The following PDE1A variants were observed in gnomAD, a reference collection of about 807,000 sequenced individuals.
PDE1A encodes the protein phosphodiesterase 1A.
In PDE1A, 35 loss-of-function variants were observed where a neutral mutation model predicts 61.7. That is an observed-to-expected ratio of 0.57 (90% CI 0.43 to 0.75). PDE1A has a LOEUF of 0.75. Ranked by LOEUF, PDE1A falls within the 30% of genes least tolerant of loss-of-function variation. PDE1A has a pLI of 0.00. For synonymous variants in PDE1A, 232 were observed against 213.2 expected, an observed-to-expected ratio of 1.09 and a Z score of -0.77; for missense variants, 597 against 630.6, an observed-to-expected ratio of 0.95 and a Z score of 0.57.
the PDE1A span, among the ~76,000 whole-genome samples, chr2:182,632,081 G>A: frequency 6.6e-6 from 1 of 152,134 alleles, no homozygotes. Context: ...TATATAAAGG[G>A]TGAGAGACAG....
At chr2:182,387,639 C>G (rs1029772779) in intron 1 of PDE1A, among the ~76,000 whole-genome samples, 3 of 151,916 alleles carry the variant, frequency 2.0e-5, no homozygotes, top group Non-Finnish European at 4.4e-5. Flanking sequence ...AGCCTGTAAT[C>G]CCAGATACTT....
chr2:182,242,918 C>CG (rs1203365894), intron 2 of PDE1A, among the ~76,000 whole-genome samples: 7 of 48,922 alleles, frequency 1.4e-4, no homozygotes, highest in African/African-American at 6.5e-4. Context: ...CTCTCTCTCT[C>CG]TCTCTCTCGT....
At chr2:182,647,344 T>C in the PDE1A span, among the ~76,000 whole-genome samples, 2 of 152,216 alleles carry the variant, frequency 1.3e-5, no homozygotes, top group African/African-American at 4.8e-5. Context: ...CAGAATTTAT[T>C]TCTGGTCTCT....
upstream of PDE1A, among the ~76,000 whole-genome samples, chr2:182,523,708 A>T (rs1379433492): frequency 6.6e-6 from 1 of 152,194 alleles, no homozygotes; most frequent in African/African-American, 2.4e-5. Flanking sequence ...TTACCTTTTT[A>T]AATTCTTACA....
At chr2:182,659,488 T>C in the PDE1A span, among the ~76,000 whole-genome samples, 2 of 152,204 alleles carry the variant, frequency 1.3e-5, no homozygotes, top group African/African-American at 4.8e-5. Flanking sequence ...GAAATAGTCA[T>C]TCTTTGAAAT....
At chr2:182,522,345 A>G in exon 2 of PDE1A, 10 of 1,613,546 alleles carry the variant, frequency 6.2e-6, no homozygotes, top group Non-Finnish European at 8.5e-6. Flanking sequence ...GGTGTTTTCC[A>G]ATTCTTCAAT....
At chr2:182,338,985 A>G (rs1340916390) in intron 1 of PDE1A, among the ~76,000 whole-genome samples, 1 of 152,146 alleles carries the variant, frequency 6.6e-6, no homozygotes, top group East Asian at 1.9e-4. Flanking sequence ...TCTGTTGATG[A>G]TTATCAGTGT....
chr2:182,244,307 AC>A, intron 2 of PDE1A, among the ~76,000 whole-genome samples: 1 of 150,642 alleles, frequency 6.6e-6, no homozygotes, highest in East Asian at 1.9e-4. Flanking sequence ...TTTCCACTAA[AC>A]TTTTTTTGAA....
At chr2:182,479,054 T>G (rs932075268) in intron 2 of PDE1A, among the ~76,000 whole-genome samples, 3 of 151,930 alleles carry the variant, frequency 2.0e-5, no homozygotes, top group Non-Finnish European at 4.4e-5. Flanking sequence ...TTATTAATCC[T>G]GTTTAGTTAG....
chr2:182,618,430 A>G, the PDE1A span, among the ~76,000 whole-genome samples: 3 of 152,318 alleles, frequency 2.0e-5, no homozygotes, highest in South Asian at 2.1e-4. Flanking sequence ...TGAACTCGTT[A>G]TAGTATCTTT....
chr2:182,538,547 C>G, the PDE1A span, among the ~76,000 whole-genome samples: 14,636 of 151,890 alleles, frequency 0.096, 993 homozygotes, highest in Non-Finnish European at 0.15. Context: ...TCTTATTAGC[C>G]TCATGCCATA....
Position 182,406,024 on chromosome 2 carries a change from A to G in PDE1A, c.53+20554T>C, listed in dbSNP as rs143890858. Among the ~76,000 whole-genome samples, 1,500 of 152,136 alleles carry G rather than the reference A, an allele frequency of 9.9e-3. 26 individuals are homozygous for G. The highest frequency in any genetic ancestry group is 0.034 in the African/African-American group (1,417 of 41,538). On this transcript the variant is annotated intron_variant, in intron 1 of 13. Transcript: ENST00000351439. ...ATCCATCTTAGGTCAAAGAAATTTT[A>G]CCAAAAAAAAATAAATTTCCTATTT...
chr2:182,563,587 C>A, the PDE1A span, among the ~76,000 whole-genome samples: 1 of 152,134 alleles, frequency 6.6e-6, no homozygotes, highest in African/African-American at 2.4e-5. Flanking sequence ...TGGTGCAGAG[C>A]TGAGTTCAAT....
chr2:182,195,818 A>G (rs1476721685), intron 10 of PDE1A, among the ~76,000 whole-genome samples: 4 of 152,102 alleles, frequency 2.6e-5, no homozygotes, highest in South Asian at 2.1e-4. Context: ...AGTTTTACAG[A>G]TGGCTATGTG....
the PDE1A span, among the ~76,000 whole-genome samples, chr2:182,560,576 C>T: frequency 6.6e-6 from 1 of 151,878 alleles, no homozygotes; most frequent in Non-Finnish European, 1.5e-5. Context: ...TGGGTATATA[C>T]CCAGTAATGG....
At chr2:182,573,982 C>CAG in the PDE1A span, among the ~76,000 whole-genome samples, 1,156 of 147,414 alleles carry the variant, frequency 7.8e-3, 9 homozygotes, top group Non-Finnish European at 0.013. Context: ...TACACACACA[C>CAG]ACACACACAA....
At chr2:182,570,850 C>T in the PDE1A span, among the ~76,000 whole-genome samples, 25 of 152,186 alleles carry the variant, frequency 1.6e-4, no homozygotes, top group Admixed American at 7.9e-4. Flanking sequence ...GAAAATGGCA[C>T]GGGATAGAGA....
chr2:182,205,057 C>T (rs1427078646), intron 8 of PDE1A, among the ~76,000 whole-genome samples: 1 of 151,738 alleles, frequency 6.6e-6, no homozygotes, highest in Non-Finnish European at 1.5e-5. Context: ...TTTCTTTTTA[C>T]CTTGATTTAA....
At chr2:182,476,496 T>G (rs1226582985) in intron 2 of PDE1A, among the ~76,000 whole-genome samples, 8 of 151,764 alleles carry the variant, frequency 5.3e-5, no homozygotes, top group African/African-American at 1.9e-4. Flanking sequence ...CTCAAATAAA[T>G]AAATTAATTA....
Sources: allele counts gnomAD v4.1 joint callset (sites outside exome capture counted in the v4.1 genomes callset), GRCh38; gene constraint gnomAD v4.1.1; transcripts MANE v1.5; gene names NCBI Gene and HGNC (gene_info 2026-07-23, HGNC 2026-07-21).